Variants in ATRNL1 observed in about 807,000 individuals in gnomAD.
ATRNL1 encodes attractin like 1.
Under a neutral mutation model 182.7 loss-of-function variants are expected in ATRNL1, and 95 were observed. The ratio of observed to expected loss-of-function variants is 0.52; its 90% CI spans 0.44 to 0.62. The LOEUF (loss-of-function observed/expected upper bound fraction) is 0.62, where lower values mean the gene tolerates loss of function less well. Ranked by LOEUF, ATRNL1 falls within the 20% of genes least tolerant of loss-of-function variation. The pLI, the probability that ATRNL1 is intolerant of heterozygous loss-of-function variation, is 0.00. For missense variants in ATRNL1, 1,471 were observed against 1,679.5 expected (o/e 0.88, Z 2.17); for synonymous variants, 576 against 568.3 (o/e 1.01, Z -0.19).
intron 9 of ATRNL1, among the ~76,000 whole-genome samples, chr10:115,233,606 T>G (rs1554900575): frequency 6.6e-6 from 1 of 152,108 alleles, no homozygotes; most frequent in Non-Finnish European, 1.5e-5. Flanking sequence ...CCTGAGCTTT[T>G]AAAAAATGCT....
chr10:115,802,123 G>A (rs556762032), intron 27 of ATRNL1, among the ~76,000 whole-genome samples: 38 of 150,260 alleles, frequency 2.5e-4, no homozygotes, highest in African/African-American at 4.4e-4. Context: ...TAAATATCCC[G>A]ACTTTGCCTT....
chr10:115,381,782 C>G lies in ATRNL1; in HGVS notation c.3176-12877C>G, dbSNP rs1256336286. On this transcript the variant is annotated intron_variant, in intron 19 of 28. Coordinates refer to ENST00000355044, the MANE Select transcript of ATRNL1 (RefSeq NM_207303.4). The stretch of plus-strand genomic sequence containing the variant: ...CTAAAACAATTACCTAACTCAAGGT[C>G]ACAACGTTTTATTCATACATTTTTC... 3.3e-5 allele frequency among the ~76,000 whole-genome samples: 5 copies of G among 152,088 alleles called. No individual in the cohort carries two copies. In the South Asian group the frequency reaches 1.0e-3, roughly 32 times the overall value.
chr10:115,535,646 G>T (rs903647885), intron 25 of ATRNL1, among the ~76,000 whole-genome samples: 2 of 152,146 alleles, frequency 1.3e-5, no homozygotes, highest in Non-Finnish European at 2.9e-5. Context: ...TTCCGTTGCT[G>T]GTGAGGAACT....
At position 115,787,739 on chromosome 10, in the gene ATRNL1, G is replaced by A. The variant is rs782148568; in HGVS notation, c.3904-60138G>A. Among the ~76,000 whole-genome samples the A allele has an allele frequency of 6.6e-5, 10 of 152,214 alleles. No homozygotes were observed. In the East Asian group the frequency reaches 1.4e-3, roughly 21 times the overall value. ...AAAGATATCATGTCCTAATCTCTGG[G>A]ACCTGTGAATGTTACCTTACTTGGT... is the stretch of plus-strand genomic sequence containing the variant. On this transcript the variant is annotated intron_variant, in intron 27 of 28. Transcript: ENST00000355044.
intron 24 of ATRNL1, among the ~76,000 whole-genome samples, chr10:115,494,555 GT>G (rs1849453204): frequency 6.6e-6 from 1 of 152,148 alleles, no homozygotes; most frequent in Admixed American, 6.5e-5. Flanking sequence ...ATGAAGGAAT[GT>G]TTGGTTTAAT....
At chr10:115,434,472 C>G (rs1054302836) in intron 21 of ATRNL1, among the ~76,000 whole-genome samples, 2 of 152,090 alleles carry the variant, frequency 1.3e-5, no homozygotes, top group African/African-American at 4.8e-5. Context: ...ATAGTAAAGG[C>G]AGGTTTCAAC....
At chr10:115,135,168 G>A (rs1161427553) in intron 5 of ATRNL1, among the ~76,000 whole-genome samples, 18 of 152,178 alleles carry the variant, frequency 1.2e-4, no homozygotes, top group African/African-American at 4.3e-4. Flanking sequence ...TCAACATAGT[G>A]TTGGAAGTTC....
At chr10:115,260,807 C>T (rs1421022835) in intron 10 of ATRNL1, among the ~76,000 whole-genome samples, 1 of 151,844 alleles carries the variant, frequency 6.6e-6, no homozygotes, top group Non-Finnish European at 1.5e-5. Context: ...AGTGAAGAAT[C>T]TCCATAAAGT....
At position 115,345,890 on chromosome 10, in the gene ATRNL1, T is replaced by G. The variant is rs368309113; in HGVS notation, c.3175+11471T>G. On this transcript the variant is annotated intron_variant, in intron 19 of 28. Transcript: ENST00000355044. ...TTCCTTCTTTCACTAAATGTTATGT[T>G]TTTGATGTTCATTCTCATTGTAGCA... 8.1e-4 allele frequency among the ~76,000 whole-genome samples: 123 copies of G among 152,312 alleles called. 2 individuals are homozygous for G. The South Asian group carries it at 0.025, about 31-fold the overall frequency.
chr10:115,917,111 C>A (rs1952881891), intron 28 of ATRNL1, among the ~76,000 whole-genome samples: 1 of 152,188 alleles, frequency 6.6e-6, no homozygotes, highest in African/African-American at 2.4e-5. Context: ...TGGCGTCTAA[C>A]TCTGACTGCC....
chr10:115,114,234 C>A (rs1844380937), intron 1 of ATRNL1, among the ~76,000 whole-genome samples: 1 of 152,028 alleles, frequency 6.6e-6, no homozygotes, highest in Non-Finnish European at 1.5e-5. Flanking sequence ...TTATCTGATC[C>A]CTTATAGAAG....
chr10:115,867,830 C>G (rs1474093615), intron 28 of ATRNL1, among the ~76,000 whole-genome samples: 1 of 151,818 alleles, frequency 6.6e-6, no homozygotes, highest in South Asian at 2.1e-4. Context: ...CTCCACCTCC[C>G]GGTTCAAGTG....
chr10:115,779,854 T>C (rs549321475), intron 27 of ATRNL1, among the ~76,000 whole-genome samples: 1 of 152,296 alleles, frequency 6.6e-6, no homozygotes, highest in African/African-American at 2.4e-5. Flanking sequence ...ATGAAACATA[T>C]TGTCTTATAC....
intron 8 of ATRNL1, among the ~76,000 whole-genome samples, chr10:115,215,435 C>T (rs1385847144): frequency 6.6e-6 from 1 of 151,936 alleles, no homozygotes; most frequent in African/African-American, 2.4e-5. Context: ...TTTCCTTTTT[C>T]TCTTGCAAAC....
chr10:115,900,321 A>C (rs1952318662), intron 28 of ATRNL1, among the ~76,000 whole-genome samples: 1 of 152,252 alleles, frequency 6.6e-6, no homozygotes, highest in African/African-American at 2.4e-5. Flanking sequence ...AGTCTACAAA[A>C]GATCTTAATG....
In ATRNL1 at chr10:115,540,346, A is replaced by G. The variant is rs549698216; in HGVS notation, c.3717-9112A>G. ...GAAGCACTTCAAAAGCTTTGGATGC[A>G]TTGTGACCATAGCCTCCAGATGGAT... On this transcript the variant is annotated intron_variant, in intron 25 of 28. Coordinates refer to ENST00000355044, the MANE Select transcript of ATRNL1 (RefSeq NM_207303.4). 1.1e-4 allele frequency among the ~76,000 whole-genome samples: 17 copies of G among 152,244 alleles called. No homozygotes were observed. In the South Asian group the frequency reaches 2.5e-3, roughly 22 times the overall value.
intron 19 of ATRNL1, among the ~76,000 whole-genome samples, chr10:115,370,921 GCCAGGC>G (rs1215133435): frequency 6.6e-6 from 1 of 152,076 alleles, no homozygotes; most frequent in Non-Finnish European, 1.5e-5. Context: ...TTTTTTGTAG[GCCAGGC>G]CCAGGGTCCC....
chr10:115,325,077 G>C (rs1372795812), intron 18 of ATRNL1, among the ~76,000 whole-genome samples: 1 of 152,154 alleles, frequency 6.6e-6, no homozygotes, highest in Non-Finnish European at 1.5e-5. Flanking sequence ...ATCTGTTGCA[G>C]AGTAACTATT....
intron 28 of ATRNL1, among the ~76,000 whole-genome samples, chr10:115,913,368 A>G (rs1952744728): frequency 6.6e-6 from 1 of 152,100 alleles, no homozygotes; most frequent in East Asian, 1.9e-4. Context: ...GGGTAGCCCT[A>G]TGTCAAAGGA....
Sources: gnomAD v4.1 joint callset for allele counts (sites outside exome capture counted in the v4.1 genomes callset) on GRCh38, gnomAD v4.1.1 for gene constraint, MANE v1.5 for transcripts, NCBI Gene and HGNC (gene_info 2026-07-23, HGNC 2026-07-21) for gene names.